The following EFNA5 variants were observed in gnomAD, a reference collection of about 807,000 sequenced individuals.
EFNA5 encodes ephrin-A5.
In EFNA5, 5 loss-of-function variants were observed where a neutral mutation model predicts 22.9. That is an observed-to-expected ratio of 0.22 (90% CI 0.11 to 0.46). The LOEUF (loss-of-function observed/expected upper bound fraction) is 0.46, where lower values mean the gene tolerates loss of function less well. EFNA5 is among the 20% of genes least tolerant of loss of function. The probability of loss-of-function intolerance (pLI) is 0.99; values close to 1 mark genes in which losing one functional copy is unlikely to be tolerated. For missense variants in EFNA5, 237 were observed against 293.3 expected, an observed-to-expected ratio of 0.81 and a Z score of 1.40; for synonymous variants, 113 against 112.2, an observed-to-expected ratio of 1.01 and a Z score of -0.04.
At chr5:107,453,314 C>T (rs548492073) in intron 1 of EFNA5, among the ~76,000 whole-genome samples, 26 of 151,974 alleles carry the variant, frequency 1.7e-4, no homozygotes, top group African/African-American at 6.3e-4. Context: ...ACAATGACCA[C>T]CAGAATAATA....
chr5:107,555,095 G>A (rs1748380437), intron 1 of EFNA5, among the ~76,000 whole-genome samples: 1 of 152,190 alleles, frequency 6.6e-6, no homozygotes, highest in South Asian at 2.1e-4. Flanking sequence ...AGGACACTTT[G>A]TCTAACATAT....
chr5:107,411,768 C>A (rs1245041124), intron 2 of EFNA5, among the ~76,000 whole-genome samples: 1 of 152,068 alleles, frequency 6.6e-6, no homozygotes, highest in African/African-American at 2.4e-5. Context: ...AAACTTTTTT[C>A]ACAGATGGGG....
chr5:107,424,782 C>T (rs1285224434), intron 2 of EFNA5, among the ~76,000 whole-genome samples: 2 of 152,152 alleles, frequency 1.3e-5, no homozygotes, highest in East Asian at 3.9e-4. Context: ...TAATTATGAC[C>T]ACAGTACATT....
At chr5:107,457,218 A>C (rs924477238) in intron 1 of EFNA5, among the ~76,000 whole-genome samples, 2 of 152,156 alleles carry the variant, frequency 1.3e-5, no homozygotes, top group African/African-American at 4.8e-5. Context: ...TTTTTGCTTT[A>C]ACATTCATTG....
intron 1 of EFNA5, among the ~76,000 whole-genome samples, chr5:107,530,198 G>A (rs188250442): frequency 1.3e-5 from 2 of 152,318 alleles, no homozygotes; most frequent in South Asian, 2.1e-4. Context: ...AAGGGGCTCT[G>A]CTCATTGTAG....
chr5:107,571,045 TCTC>T (rs1226676687), intron 1 of EFNA5, among the ~76,000 whole-genome samples: 1 of 152,158 alleles, frequency 6.6e-6, no homozygotes, highest in Admixed American at 6.5e-5. Flanking sequence ...TCTCTCTCTC[TCTC>T]AACAGGAAGT....
In EFNA5 at chr5:107,540,075, T is replaced by C. The variant is rs376621967; in HGVS notation, c.126-112566A>G. 8.1e-4 allele frequency among the ~76,000 whole-genome samples: 123 copies of C among 151,680 alleles called. 3 individuals carry two copies. In the South Asian group the frequency reaches 0.02, roughly 24 times the overall value. ...AAAGGATTCTAAGAGGGTGAAGGAA[T>C]GCTAACTCCTTAGACAGATGATCTG... On this transcript the variant is annotated intron_variant, in intron 1 of 4. Coordinates refer to ENST00000333274, the MANE Select transcript of EFNA5 (RefSeq NM_001962.3).
chr5:107,439,451 G>A (rs549915962), intron 1 of EFNA5, among the ~76,000 whole-genome samples: 35 of 152,276 alleles, frequency 2.3e-4, no homozygotes, highest in African/African-American at 7.9e-4. Flanking sequence ...GGGGGATAGG[G>A]TGGTTTTGAA....
intron 2 of EFNA5, among the ~76,000 whole-genome samples, chr5:107,409,222 A>T (rs1363443543): frequency 1.3e-5 from 2 of 152,240 alleles, no homozygotes; most frequent in Non-Finnish European, 2.9e-5. Flanking sequence ...TCGTCTTTGG[A>T]TCACCAGCGC....
rs141092592 is a variant in EFNA5, at chr5:107,566,683, T to C, written c.125+103806A>G. Among the ~76,000 whole-genome samples the C allele has an allele frequency of 2.1e-3, 325 of 152,310 alleles. 2 individuals carry two copies. The highest frequency in any genetic ancestry group is 7.4e-3 in the African/African-American group (306 of 41,558). On this transcript the variant is annotated intron_variant, in intron 1 of 4. Coordinates refer to ENST00000333274, the MANE Select transcript of EFNA5 (RefSeq NM_001962.3). ...CTTAAAAAAAGACTCCTGGCTTCCT[T>C]TCAAATTCCATCAGTCAACTTTTAT...
chr5:107,644,426 G>A (rs1040303449), intron 1 of EFNA5, among the ~76,000 whole-genome samples: 26 of 152,160 alleles, frequency 1.7e-4, no homozygotes, highest in African/African-American at 6.3e-4. Context: ...ATTCAAATTA[G>A]TGAACAAAAC....
At chr5:107,466,776 G>C (rs951801900) in intron 1 of EFNA5, among the ~76,000 whole-genome samples, 1 of 152,118 alleles carries the variant, frequency 6.6e-6, no homozygotes, top group African/African-American at 2.4e-5. Flanking sequence ...TGAGCGTTTG[G>C]GGTGGGCCAT....
At chr5:107,453,204 T>C (rs557010764) in intron 1 of EFNA5, among the ~76,000 whole-genome samples, 4 of 152,170 alleles carry the variant, frequency 2.6e-5, no homozygotes, top group Non-Finnish European at 5.9e-5. Context: ...AATGTTCAGA[T>C]AGAAAGATGT....
At chr5:107,622,030 T>C (rs1232172336) in intron 1 of EFNA5, among the ~76,000 whole-genome samples, 1 of 151,338 alleles carries the variant, frequency 6.6e-6, no homozygotes, top group South Asian at 2.1e-4. Flanking sequence ...ACTGAATGCA[T>C]AACTGCCTTA....
At chr5:107,462,981 A>G (rs759312174) in intron 1 of EFNA5, among the ~76,000 whole-genome samples, 5 of 152,170 alleles carry the variant, frequency 3.3e-5, no homozygotes, top group Non-Finnish European at 7.4e-5. Flanking sequence ...GTCCCCATTC[A>G]GTCACTGGCG....
Position 107,652,436 on chromosome 5 carries a change from T to C in EFNA5, c.125+18053A>G, listed in dbSNP as rs372600503. ...TCTCTGTCCATAGCATTTCATGCTT[T>C]ATTGTGACACTATTGTTCTAATATA... On this transcript the variant is annotated intron_variant, in intron 1 of 4. Coordinates refer to ENST00000333274, the MANE Select transcript of EFNA5 (RefSeq NM_001962.3). Among the ~76,000 whole-genome samples the C allele has an allele frequency of 7.6e-4, 116 of 152,348 alleles. No individual in the cohort carries two copies. The South Asian group carries it at 0.022, about 29-fold the overall frequency.
chr5:107,408,316 T>C (rs1279839417), intron 2 of EFNA5, among the ~76,000 whole-genome samples: 1 of 152,178 alleles, frequency 6.6e-6, no homozygotes, highest in Non-Finnish European at 1.5e-5. Flanking sequence ...TTCTTTACAC[T>C]CCCTCACAGC....
intron 1 of EFNA5, among the ~76,000 whole-genome samples, chr5:107,501,460 A>G (rs773847291): frequency 3.2e-4 from 47 of 147,270 alleles, no homozygotes; most frequent in Admixed American, 4.1e-4. Context: ...TACAGATATT[A>G]TAGCTTATGA....
rs550879331 is a variant in EFNA5 at position 107,427,409 on chromosome 5, G to A, written c.226C>T (p.Arg76Cys). The A allele has an allele frequency of 5.6e-6, 9 of 1,613,952 alleles. No homozygotes were observed. The highest frequency in any genetic ancestry group is 1.7e-5 in the Admixed American group (1 of 59,988). ...EDSVPEDKTERYVLYMVNFDG... is the reference protein window; with the variant it reads ...EDSVPEDKTECYVLYMVNFDG... ...AAGTTCACCATGTAGAGGACATAGC[G>A]CTCAGTCTTATCTTCTGGGACGGAG... The change falls in exon 2 of 5, where the codon CGC becomes TGC. Residue 76 changes from arginine to cysteine, a missense_variant. By Grantham distance (180) the Arg-to-Cys change is radical. This residue lies in a region of EFNA5 where 120 missense variants were observed against 140.5 expected (regional missense o/e 0.85). Transcript: ENST00000333274.
Sources: allele counts gnomAD v4.1 joint callset (sites outside exome capture counted in the v4.1 genomes callset), GRCh38; gene constraint gnomAD v4.1.1; regional missense constraint gnomAD v4.1.1; transcripts MANE v1.5; gene names NCBI Gene and HGNC (gene_info 2026-07-23, HGNC 2026-07-21).